The following PRDM5 variants were observed in gnomAD, a reference collection of about 807,000 sequenced individuals.
PRDM5 encodes the protein PR/SET domain 5.
Under a neutral mutation model 81.2 loss-of-function variants are expected in PRDM5, and 56 were observed. The observed-to-expected ratio is 0.69, with a 90% CI of 0.56 to 0.86. The LOEUF is 0.86. Among genes scored for constraint, PRDM5 ranks in the 40% least tolerant of loss-of-function variants. The pLI is 0.00. For missense variants in PRDM5, 697 were observed against 770.1 expected, an observed-to-expected ratio of 0.91 and a Z score of 1.12; for synonymous variants, 267 against 256.4, an observed-to-expected ratio of 1.04 and a Z score of -0.39.
At chr4:120,823,947 G>A (rs1167471677) in intron 3 of PRDM5, among the ~76,000 whole-genome samples, 2 of 152,160 alleles carry the variant, frequency 1.3e-5, no homozygotes, top group Non-Finnish European at 1.5e-5. Context: ...TCCCCAGAGA[G>A]CTGATTATTA....
intron 14 of PRDM5, among the ~76,000 whole-genome samples, chr4:120,746,000 G>T (rs1742937525): frequency 6.7e-6 from 1 of 149,520 alleles, no homozygotes; most frequent in African/African-American, 2.5e-5. Flanking sequence ...AAAGAACAAA[G>T]CTGGAGGCAT....
At chr4:120,867,321 C>T (rs538237016) in intron 2 of PRDM5, among the ~76,000 whole-genome samples, 16 of 152,202 alleles carry the variant, frequency 1.1e-4, no homozygotes, top group African/African-American at 3.9e-4. Context: ...AATACTAACT[C>T]ATATTACAAA....
rs568504391 is a variant in PRDM5 at position 120,799,820 on chromosome 4, A to G, written c.946-75T>C. 1.8e-4 allele frequency: 285 copies of G among 1,564,722 alleles called. 2 individuals are homozygous for G. The highest frequency in any genetic ancestry group is 1.6e-3 in the Middle Eastern group (8 of 4,974). Reference sequence around the variant, plus strand: ...TTACACAGCTCTCAAGCAAAAGTGTAAACATGTGAACAGCTGCCACTGCAA... The same window carrying G: ...TTACACAGCTCTCAAGCAAAAGTGTGAACATGTGAACAGCTGCCACTGCAA... On this transcript the variant is annotated intron_variant, in intron 8 of 15. Coordinates refer to ENST00000264808, the MANE Select transcript of PRDM5 (RefSeq NM_018699.4).
intron 2 of PRDM5, among the ~76,000 whole-genome samples, chr4:120,870,793 CCT>C (rs967522992): frequency 1.3e-5 from 2 of 152,094 alleles, no homozygotes; most frequent in Non-Finnish European, 2.9e-5. Context: ...CAGCATCACC[CCT>C]GAGTGGATTC....
intron 1 of PRDM5, among the ~76,000 whole-genome samples, chr4:120,915,900 C>T (rs961958967): frequency 1.4e-4 from 21 of 152,154 alleles, no homozygotes; most frequent in African/African-American, 5.1e-4. Flanking sequence ...ATCCTTCTCC[C>T]ATACCCCTCA....
intron 11 of PRDM5, among the ~76,000 whole-genome samples, chr4:120,783,872 T>C (rs1487708759): frequency 6.6e-6 from 1 of 152,082 alleles, no homozygotes; most frequent in East Asian, 1.9e-4. Flanking sequence ...TCTTAGTATC[T>C]TTATTATTTG....
intron 14 of PRDM5, among the ~76,000 whole-genome samples, chr4:120,748,018 A>G (rs972013257): frequency 5.9e-5 from 9 of 152,238 alleles, no homozygotes; most frequent in African/African-American, 1.9e-4. Context: ...TGTTTATAAA[A>G]TGGGTATTTA....
downstream of PRDM5, chr4:120,691,781 A>G (rs1421336779): frequency 6.6e-6 from 1 of 152,066 alleles, no homozygotes; most frequent in Non-Finnish European, 1.5e-5. Context: ...ATAAAGTATA[A>G]AAGCATGAGG....
At chr4:120,825,806 C>G (rs1312376319) in intron 3 of PRDM5, among the ~76,000 whole-genome samples, 1 of 152,116 alleles carries the variant, frequency 6.6e-6, no homozygotes, top group Non-Finnish European at 1.5e-5. Flanking sequence ...CCACTGTTAA[C>G]ATGTTAAAGT....
intron 1 of PRDM5, among the ~76,000 whole-genome samples, chr4:120,911,509 T>C (rs1322074074): frequency 6.6e-6 from 1 of 152,224 alleles, no homozygotes; most frequent in Non-Finnish European, 1.5e-5. Context: ...TTCTATTCAC[T>C]GGACTAGACA....
At chr4:120,811,722 A>C (rs1404926223) in intron 7 of PRDM5, among the ~76,000 whole-genome samples, 3 of 152,106 alleles carry the variant, frequency 2.0e-5, no homozygotes. Flanking sequence ...GCAGAAGCTT[A>C]TATACCTTTT....
At position 120,830,582 on chromosome 4, in the gene PRDM5, T is replaced by G. The variant is rs534548139; in HGVS notation, c.301-9237A>C. Among the ~76,000 whole-genome samples the G allele has an allele frequency of 1.1e-3, 168 of 152,200 alleles. 5 individuals are homozygous for G. The highest frequency in any genetic ancestry group is 8.5e-4 in the Admixed American group (13 of 15,276). The stretch of plus-strand genomic sequence containing the variant: ...GAAGCAGAATAATATTCTTAAAAAT[T>G]ATTTTATTTGAAAATAAGAAGCAAG... On this transcript the variant is annotated intron_variant, in intron 3 of 15. Coordinates refer to ENST00000264808, the MANE Select transcript of PRDM5 (RefSeq NM_018699.4).
rs34809068 is a variant in PRDM5 at position 120,753,199 on chromosome 4, T to A, written c.1623+1354A>T. Among the ~76,000 whole-genome samples the A allele has an allele frequency of 9.7e-3, 1,483 of 152,308 alleles. 18 individuals are homozygous for A. The highest frequency in any genetic ancestry group is 0.016 in the Non-Finnish European group (1,080 of 68,006). ...TTTAAATAAATACATTATTGATACA[T>A]CTGTGACAACTGCTCACATGTAAAA... On this transcript the variant is annotated intron_variant, in intron 14 of 15. Coordinates refer to ENST00000264808, the MANE Select transcript of PRDM5 (RefSeq NM_018699.4).
At chr4:120,696,360 C>T (rs1734514928) in intron 15 of PRDM5, among the ~76,000 whole-genome samples, 1 of 152,112 alleles carries the variant, frequency 6.6e-6, no homozygotes, top group African/African-American at 2.4e-5. Context: ...CACTTTCTGT[C>T]CCACTGTAAT....
chr4:120,735,634 T>G (rs1740992793), intron 14 of PRDM5, among the ~76,000 whole-genome samples: 1 of 152,118 alleles, frequency 6.6e-6, no homozygotes, highest in Non-Finnish European at 1.5e-5. Context: ...GATGTTTTAT[T>G]CCTTGCTCTA....
chr4:120,717,896 G>A (rs569855616), intron 14 of PRDM5, among the ~76,000 whole-genome samples: 1 of 145,316 alleles, frequency 6.9e-6, no homozygotes, highest in Admixed American at 7.1e-5. Context: ...CAAGGTAAAG[G>A]TGTCACAAAA....
At chr4:120,735,227 T>A (rs1740940839) in intron 14 of PRDM5, among the ~76,000 whole-genome samples, 1 of 152,230 alleles carries the variant, frequency 6.6e-6, no homozygotes. Flanking sequence ...AGAAAGGCCC[T>A]GTGTCACCAT....
At chr4:120,696,960 G>A (rs966634101) in intron 15 of PRDM5, among the ~76,000 whole-genome samples, 2 of 152,032 alleles carry the variant, frequency 1.3e-5, no homozygotes, top group African/African-American at 4.8e-5. Flanking sequence ...ATACCTTTGA[G>A]GCAACTGCAA....
rs563414590 is a variant in PRDM5, at chr4:120,852,961, G to A, written c.300+457C>T. On this transcript the variant is annotated intron_variant, in intron 3 of 15. Coordinates refer to ENST00000264808, the MANE Select transcript of PRDM5 (RefSeq NM_018699.4). ...ATCACAGACGTGAGCCACTGCACCT[G>A]TTTCTCTGGGAAACCCTGACTAACA... 6.6e-5 allele frequency among the ~76,000 whole-genome samples: 10 copies of A among 151,850 alleles called. No homozygotes were observed. In the South Asian group the frequency reaches 2.1e-3, roughly 32 times the overall value.
Sources: allele counts gnomAD v4.1 joint callset (sites outside exome capture counted in the v4.1 genomes callset), GRCh38; gene constraint gnomAD v4.1.1; transcripts MANE v1.5; gene names NCBI Gene and HGNC (gene_info 2026-07-23, HGNC 2026-07-21).